The following SYCP1 variants were observed in gnomAD, a reference collection of about 807,000 sequenced individuals.
The protein encoded by SYCP1 is cancer/testis antigen 8.
SYCP1 carries 64 observed loss-of-function variants against 153.1 expected under a neutral mutation model. The ratio of observed to expected loss-of-function variants is 0.42; its 90% CI spans 0.34 to 0.51. SYCP1 has a LOEUF of 0.51. SYCP1 is among the 20% of genes least tolerant of loss of function. SYCP1 has a pLI of 0.06. For synonymous variants in SYCP1, 384 were observed against 341.8 expected, an observed-to-expected ratio of 1.12 and a Z score of -1.36; for missense variants, 997 against 1,049.0, an observed-to-expected ratio of 0.95 and a Z score of 0.68.
intron 27 of SYCP1, among the ~76,000 whole-genome samples, chr1:114,948,949 C>T (rs894227887): frequency 5.3e-5 from 8 of 152,132 alleles, no homozygotes; most frequent in African/African-American, 1.9e-4. Context: ...TAGCTTGTAT[C>T]TCAAGTTCTT....
At chr1:114,923,557 A>T (rs1313242097) in intron 21 of SYCP1, 27 bp downstream of exon 21, 2 of 1,534,530 alleles carry the variant, frequency 1.3e-6, no homozygotes, top group African/African-American at 2.8e-5. Flanking sequence ...AATGGATCGT[A>T]TCACAAAATT....
At chr1:114,946,246 T>G (rs1161347051) in intron 25 of SYCP1, 43 bp from the exon 26 acceptor site, 5 of 1,007,710 alleles carry the variant, frequency 5.0e-6, no homozygotes, top group Non-Finnish European at 7.0e-6. Context: ...TTATAATCTA[T>G]TCAGTTTTAA....
intron 8 of SYCP1, among the ~76,000 whole-genome samples, chr1:114,867,863 C>T (rs993076211): frequency 1.3e-5 from 2 of 151,958 alleles, no homozygotes; most frequent in African/African-American, 4.8e-5. Flanking sequence ...CTTCTAGTTT[C>T]TCACCATTAA....
chr1:114,971,683 A>G (rs1050138561), intron 27 of SYCP1, among the ~76,000 whole-genome samples: 2 of 152,174 alleles, frequency 1.3e-5, no homozygotes, highest in Non-Finnish European at 2.9e-5. Context: ...TTCAGCATCA[A>G]TTGAAATGAT....
At chr1:114,949,023 A>T (rs1197555127) in intron 27 of SYCP1, among the ~76,000 whole-genome samples, 1 of 152,178 alleles carries the variant, frequency 6.6e-6, no homozygotes, top group Non-Finnish European at 1.5e-5. Flanking sequence ...GGAAGGTTTA[A>T]TAGGCTTGTG....
intron 21 of SYCP1, among the ~76,000 whole-genome samples, chr1:114,925,073 A>G (rs1391558683): frequency 6.6e-6 from 1 of 152,140 alleles, no homozygotes; most frequent in Non-Finnish European, 1.5e-5. Context: ...AAAAACCTTC[A>G]AAAGGTTACA....
chr1:114,992,271 AT>A (rs1327255342), intron 30 of SYCP1, among the ~76,000 whole-genome samples: 3 of 151,548 alleles, frequency 2.0e-5, no homozygotes, highest in Admixed American at 6.6e-5. Flanking sequence ...AATTCCAACA[AT>A]TTTTTTTGCA....
At chr1:114,936,104 G>C (rs1669989090) in intron 23 of SYCP1, among the ~76,000 whole-genome samples, 1 of 152,102 alleles carries the variant, frequency 6.6e-6, no homozygotes, top group South Asian at 2.1e-4. Context: ...AACAAAAAAA[G>C]AGAATTTTAG....
chr1:114,884,765 G>A (rs921511424), intron 12 of SYCP1, among the ~76,000 whole-genome samples: 3 of 152,130 alleles, frequency 2.0e-5, no homozygotes, highest in African/African-American at 7.2e-5. Context: ...AACATGCCAG[G>A]TGGGAAAAGT....
chr1:114,936,251 C>T (rs547897606), intron 23 of SYCP1, among the ~76,000 whole-genome samples: 9 of 152,218 alleles, frequency 5.9e-5, no homozygotes, highest in Non-Finnish European at 1.0e-4. Context: ...ATTCAACATA[C>T]GCAAATCAAT....
intron 20 of SYCP1, among the ~76,000 whole-genome samples, chr1:114,922,680 A>G (rs1438759483): frequency 2.6e-5 from 4 of 152,098 alleles, no homozygotes; most frequent in Non-Finnish European, 5.9e-5. Context: ...GAGAGCAAAT[A>G]TCCAAACTGT....
chr1:114,922,622 G>A (rs1466877894), intron 20 of SYCP1, among the ~76,000 whole-genome samples: 4 of 151,948 alleles, frequency 2.6e-5, no homozygotes, highest in Non-Finnish European at 5.9e-5. Context: ...CCTCCCACCA[G>A]GCCCCACCTC....
chr1:114,922,689 G>A lies in SYCP1; in HGVS notation c.1719-760G>A, dbSNP rs111766868. Reference sequence around the variant, plus strand: ...TTGGGTGAGAGCAAATATCCAAACTGTATCATTGCACTTCCCCGCACCCAA... The same window carrying A: ...TTGGGTGAGAGCAAATATCCAAACTATATCATTGCACTTCCCCGCACCCAA... On this transcript the variant is annotated intron_variant, in intron 20 of 31. Transcript: ENST00000369522. Among the ~76,000 whole-genome samples, 566 of 152,088 alleles carry A rather than the reference G, an allele frequency of 3.7e-3. 5 individuals are homozygous for A. Among genetic ancestry groups the A allele is most frequent in the African/African-American group, 0.013 (536 of 41,482 alleles).
chr1:114,869,039 G>A (rs1358740254), intron 8 of SYCP1, among the ~76,000 whole-genome samples: 1 of 151,746 alleles, frequency 6.6e-6, no homozygotes, highest in African/African-American at 2.4e-5. Flanking sequence ...CCACTTTCAT[G>A]GTTTTTACTC....
intron 23 of SYCP1, among the ~76,000 whole-genome samples, chr1:114,932,625 A>T (rs756149884): frequency 8.5e-5 from 13 of 152,228 alleles, no homozygotes; most frequent in Non-Finnish European, 1.6e-4. Context: ...TGGGAAGCAC[A>T]AGGGGTTGGG....
At chr1:114,938,373 G>T (rs534167846) in intron 23 of SYCP1, among the ~76,000 whole-genome samples, 2 of 130,516 alleles carry the variant, frequency 1.5e-5, no homozygotes, top group South Asian at 5.5e-4. Context: ...ACAGGGTGGG[G>T]AACATCACAC....
At chr1:114,929,102 T>C (rs951003181) in intron 23 of SYCP1, among the ~76,000 whole-genome samples, 2 of 152,130 alleles carry the variant, frequency 1.3e-5, no homozygotes, top group Admixed American at 1.3e-4. Context: ...GAAGGCTCCA[T>C]CCTTATGACC....
chr1:114,969,005 G>A (rs542827901), intron 27 of SYCP1, among the ~76,000 whole-genome samples: 22 of 152,274 alleles, frequency 1.4e-4, no homozygotes, highest in African/African-American at 2.6e-4. Flanking sequence ...TATCACCAGC[G>A]GAGGCTGCAG....
At chr1:114,935,935 A>G (rs1669969644) in intron 23 of SYCP1, among the ~76,000 whole-genome samples, 1 of 152,210 alleles carries the variant, frequency 6.6e-6, no homozygotes, top group Admixed American at 6.5e-5. Context: ...AAATAAGTCC[A>G]GGACCAGACG....
Sources: allele counts gnomAD v4.1 joint callset (sites outside exome capture counted in the v4.1 genomes callset), GRCh38; gene constraint gnomAD v4.1.1; transcripts MANE v1.5; gene names NCBI Gene and HGNC (gene_info 2026-07-23, HGNC 2026-07-21).